The following HCN1 variants were observed in gnomAD, a reference collection of about 807,000 sequenced individuals.
The protein encoded by HCN1 is potassium/sodium hyperpolarization-activated cyclic nucleotide-gated channel 1.
In HCN1, 13 loss-of-function variants were observed where a neutral mutation model predicts 78.9. The observed-to-expected ratio is 0.16, with a 90% CI of 0.11 to 0.26. HCN1 has a LOEUF of 0.26. Among genes scored for constraint, HCN1 ranks in the 10% least tolerant of loss-of-function variants. The pLI, the probability that HCN1 is intolerant of heterozygous loss-of-function variation, is 1.00. For missense variants in HCN1, 810 were observed against 1,154.3 expected (o/e 0.70, Z 4.32); for synonymous variants, 552 against 455.5 (o/e 1.21, Z -2.70).
intron 2 of HCN1, among the ~76,000 whole-genome samples, chr5:45,501,399 T>C: frequency 6.6e-6 from 1 of 152,174 alleles, no homozygotes; most frequent in Non-Finnish European, 1.5e-5. Context: ...AAAATTCAAA[T>C]TTTTGTTTCT....
At chr5:45,502,565 CT>C (rs1000371356) in intron 2 of HCN1, among the ~76,000 whole-genome samples, 8 of 151,942 alleles carry the variant, frequency 5.3e-5, no homozygotes, top group African/African-American at 1.9e-4. Context: ...TTCATTTTTC[CT>C]TTTTTTCTTC....
At chr5:45,455,480 C>T (rs1741011118) in intron 3 of HCN1, among the ~76,000 whole-genome samples, 1 of 151,876 alleles carries the variant, frequency 6.6e-6, no homozygotes, top group South Asian at 2.1e-4. Flanking sequence ...CATCCTCTAC[C>T]ATGTGTTTAG....
At chr5:45,328,632 G>C (rs77592403) in intron 5 of HCN1, among the ~76,000 whole-genome samples, 1 of 151,574 alleles carries the variant, frequency 6.6e-6, no homozygotes, top group Non-Finnish European at 1.5e-5. Flanking sequence ...GAGGATTCAC[G>C]TCCCAAAGGA....
chr5:45,695,656 C>CG lies in HCN1; in HGVS notation c.425+12dup. ...CCTGAAGGGAGGGTGGGGCGGCGAC[C>CG]GGGAGCCCTCACCTGAAATCACTGT... On this transcript the variant is annotated intron_variant, in intron 1 of 7. Coordinates refer to ENST00000303230, the MANE Select transcript of HCN1 (RefSeq NM_021072.4). 1 of 1,610,192 alleles carries CG rather than the reference C, an allele frequency of 6.2e-7. No homozygotes were observed. Among genetic ancestry groups the CG allele is most frequent in the Non-Finnish European group, 8.5e-7 (1 of 1,178,548 alleles).
At chr5:45,591,029 G>T (rs1223415595) in intron 2 of HCN1, among the ~76,000 whole-genome samples, 1 of 151,788 alleles carries the variant, frequency 6.6e-6, no homozygotes, top group Non-Finnish European at 1.5e-5. Context: ...TAGAGATGGG[G>T]CTAGCTTCAA....
chr5:45,504,242 C>T (rs1407923452), intron 2 of HCN1, among the ~76,000 whole-genome samples: 1 of 152,002 alleles, frequency 6.6e-6, no homozygotes, highest in African/African-American at 2.4e-5. Context: ...TAATGCTTTC[C>T]CTCCCCTCTC....
intron 2 of HCN1, among the ~76,000 whole-genome samples, chr5:45,539,975 G>A (rs1363603232): frequency 7.1e-6 from 1 of 141,782 alleles, no homozygotes; most frequent in Non-Finnish European, 1.5e-5. Context: ...GTTTATCATT[G>A]TCAGGATAGG....
chr5:45,359,411 A>AT (rs1579838868), intron 4 of HCN1, among the ~76,000 whole-genome samples: 2 of 147,264 alleles, frequency 1.4e-5, no homozygotes, highest in East Asian at 3.9e-4. Context: ...CATCAAAAAA[A>AT]AAAAAATATA....
intron 2 of HCN1, among the ~76,000 whole-genome samples, chr5:45,523,547 C>A (rs1056133506): frequency 1.3e-5 from 2 of 152,098 alleles, no homozygotes. Context: ...TAAATGATTG[C>A]CATTCTAACT....
chr5:45,310,726 C>A (rs141357797), intron 5 of HCN1, among the ~76,000 whole-genome samples: 220 of 152,158 alleles, frequency 1.4e-3, no homozygotes, highest in African/African-American at 4.0e-3. Flanking sequence ...ATGTTCATTG[C>A]AGCACAATTC....
chr5:45,497,752 C>G (rs927332940), intron 2 of HCN1, among the ~76,000 whole-genome samples: 1 of 152,166 alleles, frequency 6.6e-6, no homozygotes, highest in Non-Finnish European at 1.5e-5. Context: ...TTTAGCACTT[C>G]CTTCAGGAGC....
chr5:45,344,721 G>T (rs114262321), intron 5 of HCN1, among the ~76,000 whole-genome samples: 1 of 152,170 alleles, frequency 6.6e-6, no homozygotes, highest in Non-Finnish European at 1.5e-5. Flanking sequence ...AGGTGGGCTC[G>T]CATGGCCTTG....
chr5:45,309,375 T>A (rs7717890), intron 5 of HCN1, among the ~76,000 whole-genome samples: 1 of 151,922 alleles, frequency 6.6e-6, no homozygotes, highest in East Asian at 1.9e-4. Context: ...TCTTTCCTAA[T>A]TGCTATGGCC....
At chr5:45,286,100 G>A (rs904875492) in intron 6 of HCN1, among the ~76,000 whole-genome samples, 2 of 151,754 alleles carry the variant, frequency 1.3e-5, no homozygotes, top group Non-Finnish European at 2.9e-5. Context: ...CATTATATAG[G>A]AAAAAGTTGA....
chr5:45,377,999 C>G (rs1747724659), intron 4 of HCN1, among the ~76,000 whole-genome samples: 2 of 151,788 alleles, frequency 1.3e-5, no homozygotes, highest in Admixed American at 1.3e-4. Context: ...ATAAAGATGA[C>G]CCAAAAGACA....
chr5:45,371,552 TTTG>T, intron 4 of HCN1, among the ~76,000 whole-genome samples: 1 of 150,944 alleles, frequency 6.6e-6, no homozygotes, highest in African/African-American at 2.4e-5. Context: ...AGGTCAGGAG[TTTG>T]AGACCATCCT....
intron 3 of HCN1, among the ~76,000 whole-genome samples, chr5:45,413,001 A>G (rs1046287476): frequency 1.6e-4 from 25 of 152,052 alleles, no homozygotes; most frequent in Admixed American, 1.6e-3. Flanking sequence ...CCTATTGAAA[A>G]TGCAGTGTCT....
rs867706560 is a variant in HCN1, at chr5:45,372,357, T to A, written c.1231-19111A>T. 3.2e-3 allele frequency among the ~76,000 whole-genome samples: 349 copies of A among 108,170 alleles called. 2 individuals carry two copies. In the Middle Eastern group the frequency reaches 0.073, roughly 23 times the overall value. The allele number at this position is 108,170 out of a possible 152,430, so 71.0% of individuals were successfully genotyped here. A position where few individuals can be genotyped will look rare whatever the true frequency, so the allele number is the denominator to read the frequency against. On this transcript the variant is annotated intron_variant, in intron 4 of 7. Transcript: ENST00000303230. ...ATATATATCATATATATTTTACATA[T>A]TATATATAAAACATATATATTATAT...
At chr5:45,589,493 C>T (rs1305072308) in intron 2 of HCN1, among the ~76,000 whole-genome samples, 1 of 152,148 alleles carries the variant, frequency 6.6e-6, no homozygotes, top group African/African-American at 2.4e-5. Flanking sequence ...AGAATTGACT[C>T]TGTTAAGGTC....
Sources: gnomAD v4.1 joint callset for allele counts (sites outside exome capture counted in the v4.1 genomes callset) on GRCh38, gnomAD v4.1.1 for gene constraint, MANE v1.5 for transcripts, NCBI Gene and HGNC (gene_info 2026-07-23, HGNC 2026-07-21) for gene names.